RGL1: variants seen among roughly 807,000 people sequenced by gnomAD.
RGL1 encodes the protein ral guanine nucleotide dissociation stimulator like 1.
A neutral mutation model predicts 95.2 loss-of-function variants in RGL1; 24 were observed. That is an observed-to-expected ratio of 0.25 (90% CI 0.18 to 0.35). The LOEUF is 0.35. RGL1 is among the 10% of genes least tolerant of loss of function. RGL1 has a pLI of 1.00. For synonymous variants in RGL1, 329 were observed against 344.9 expected (o/e 0.95, Z 0.51); for missense variants, 715 against 936.3 (o/e 0.76, Z 3.08).
intron 1 of RGL1, among the ~76,000 whole-genome samples, chr1:183,664,002 G>A (rs1331597545): frequency 7.0e-6 from 1 of 141,996 alleles, no homozygotes; most frequent in Admixed American, 7.7e-5. Context: ...TCATAGGTGG[G>A]AATTGAACAA....
intron 2 of RGL1, among the ~76,000 whole-genome samples, chr1:183,779,809 A>G (rs1474905473): frequency 6.6e-6 from 1 of 151,030 alleles, no homozygotes; most frequent in African/African-American, 2.4e-5. Flanking sequence ...TTTTTTTTTG[A>G]ATGATAGGAA....
chr1:183,765,282 A>G (rs1449578894), intron 2 of RGL1, among the ~76,000 whole-genome samples: 3 of 152,190 alleles, frequency 2.0e-5, no homozygotes, highest in Admixed American at 1.3e-4. Flanking sequence ...AGTGCCTCCA[A>G]TTGTTTCCAA....
intron 1 of RGL1, among the ~76,000 whole-genome samples, chr1:183,639,849 T>C (rs542466890): frequency 7.2e-5 from 11 of 151,748 alleles, no homozygotes; most frequent in Non-Finnish European, 1.3e-4. Context: ...TTTCTTTTTT[T>C]CTTTTTTTTT....
At chr1:183,675,567 C>T (rs1652775815) in intron 1 of RGL1, among the ~76,000 whole-genome samples, 1 of 152,176 alleles carries the variant, frequency 6.6e-6, no homozygotes, top group South Asian at 2.1e-4. Flanking sequence ...AGCCATTTAA[C>T]TAATGCTTAA....
At chr1:183,811,480 T>C (rs1661708394) in intron 2 of RGL1, among the ~76,000 whole-genome samples, 1 of 152,220 alleles carries the variant, frequency 6.6e-6, no homozygotes, top group South Asian at 2.1e-4. Flanking sequence ...TATGTGTCTA[T>C]TGGAATGTTT....
intron 1 of RGL1, among the ~76,000 whole-genome samples, chr1:183,715,176 C>G (rs919190266): frequency 1.3e-5 from 2 of 152,166 alleles, no homozygotes; most frequent in African/African-American, 4.8e-5. Context: ...GCCCAGTTTC[C>G]CTCTCTGAGC....
chr1:183,869,153 A>C (rs914666124), intron 4 of RGL1, among the ~76,000 whole-genome samples: 1 of 152,112 alleles, frequency 6.6e-6, no homozygotes, highest in South Asian at 2.1e-4. Flanking sequence ...AAAAATCCAG[A>C]GCTTCTCTGT....
At chr1:183,790,475 T>A (rs1660392079) in intron 2 of RGL1, among the ~76,000 whole-genome samples, 1 of 152,206 alleles carries the variant, frequency 6.6e-6, no homozygotes, top group Admixed American at 6.5e-5. Context: ...ACTGCTTGTC[T>A]AATCCATGCC....
At chr1:183,719,473 T>A (rs1370585194) in intron 1 of RGL1, among the ~76,000 whole-genome samples, 1 of 152,250 alleles carries the variant, frequency 6.6e-6, no homozygotes, top group Non-Finnish European at 1.5e-5. Flanking sequence ...TGGCACTGGC[T>A]CTGTCTCCTG....
At chr1:183,674,708 A>G (rs78730453) in intron 1 of RGL1, among the ~76,000 whole-genome samples, 1,981 of 152,342 alleles carry the variant, frequency 0.013, 53 homozygotes, top group African/African-American at 0.046. Context: ...TAAATAAGAT[A>G]CCTGGAGGCA....
intron 1 of RGL1, among the ~76,000 whole-genome samples, chr1:183,655,031 C>A (rs1651046220): frequency 2.0e-5 from 3 of 152,212 alleles, no homozygotes; most frequent in Admixed American, 2.0e-4. Flanking sequence ...CTAGCTTCCC[C>A]AACAGACTCC....
In RGL1 at chr1:183,850,321, C is replaced by T. The variant is rs575999105; in HGVS notation, c.347+2547C>T. ...GAAATATTTTCCTAATTTTTCCATTCGTTTTAAAAGTTATTTATTAAAATT... is the reference window on the plus strand; with the variant it reads ...GAAATATTTTCCTAATTTTTCCATTTGTTTTAAAAGTTATTTATTAAAATT... On this transcript the variant is annotated intron_variant, in intron 3 of 17. Coordinates refer to ENST00000360851, the MANE Select transcript of RGL1 (RefSeq NM_001297671.3). Among the ~76,000 whole-genome samples, 7 of 152,098 alleles carry T rather than the reference C, an allele frequency of 4.6e-5. No individual in the cohort carries two copies. In the South Asian group the frequency reaches 8.3e-4, roughly 18 times the overall value.
At chr1:183,848,809 T>A (rs887807088) in intron 3 of RGL1, among the ~76,000 whole-genome samples, 3 of 152,144 alleles carry the variant, frequency 2.0e-5, no homozygotes, top group African/African-American at 7.2e-5. Flanking sequence ...GGTGAAAAGT[T>A]CCATCAGCCC....
chr1:183,726,758 G>T (rs1469145989), intron 1 of RGL1, among the ~76,000 whole-genome samples: 1 of 152,018 alleles, frequency 6.6e-6, no homozygotes, highest in Admixed American at 6.6e-5. Flanking sequence ...TATCCAAAAC[G>T]CTTGGGACCA....
At chr1:183,641,443 C>T (rs7518362) in intron 1 of RGL1, among the ~76,000 whole-genome samples, 10,439 of 152,040 alleles carry the variant, frequency 0.069, 622 homozygotes, top group African/African-American at 0.16. Flanking sequence ...CCTTTACAAA[C>T]TTTGTTTTGT....
At chr1:183,753,954 A>ATTTTTTTTTTTTTTTTTT (rs11368833) in intron 2 of RGL1, among the ~76,000 whole-genome samples, 1 of 147,292 alleles carries the variant, frequency 6.8e-6, no homozygotes, top group African/African-American at 2.5e-5. Flanking sequence ...CAGTGGGTTC[A>ATTTTTTTTTTTTTTTTTT]TTTTTTTTTT....
At chr1:183,838,194 C>T (rs1663797623) in intron 2 of RGL1, among the ~76,000 whole-genome samples, 1 of 152,254 alleles carries the variant, frequency 6.6e-6, no homozygotes, top group Admixed American at 6.5e-5. Flanking sequence ...ACTTTGGAAT[C>T]CTTAAAGGAT....
At chr1:183,690,001 G>A (rs1572280314) in intron 1 of RGL1, among the ~76,000 whole-genome samples, 1 of 152,210 alleles carries the variant, frequency 6.6e-6, no homozygotes, top group African/African-American at 2.4e-5. Flanking sequence ...TTGACTGTGT[G>A]TCTATGAGGA....
intron 2 of RGL1, among the ~76,000 whole-genome samples, chr1:183,790,944 A>AC (rs1553283630): frequency 2.0e-5 from 3 of 150,898 alleles, no homozygotes; most frequent in South Asian, 2.1e-4. Flanking sequence ...ACACACACAC[A>AC]ATCTCTGGAG....
Sources: gnomAD v4.1 joint callset for allele counts (sites outside exome capture counted in the v4.1 genomes callset) on GRCh38, gnomAD v4.1.1 for gene constraint, MANE v1.5 for transcripts, NCBI Gene and HGNC (gene_info 2026-07-23, HGNC 2026-07-21) for gene names.